The following CD6 variants were observed in gnomAD, a reference collection of about 807,000 sequenced individuals.
The protein encoded by CD6 is T-cell differentiation antigen CD6.
CD6 carries 53 observed loss-of-function variants against 75.3 expected under a neutral mutation model. The observed-to-expected ratio is 0.70, with a 90% CI of 0.56 to 0.88. The LOEUF (loss-of-function observed/expected upper bound fraction) is 0.88. Ranked by LOEUF, CD6 falls within the 40% of genes least tolerant of loss-of-function variation. The pLI is 0.00. For missense variants in CD6, 770 were observed against 897.1 expected, an observed-to-expected ratio of 0.86 and a Z score of 1.81; for synonymous variants, 359 against 381.5, an observed-to-expected ratio of 0.94 and a Z score of 0.69.
chr11:60,989,640 G>T (rs1857980310), intron 1 of CD6, among the ~76,000 whole-genome samples: 1 of 152,218 alleles, frequency 6.6e-6, no homozygotes, highest in Non-Finnish European at 1.5e-5. Context: ...GGGAGGTGAA[G>T]TGAGTTCTAG....
At chr11:61,000,051 C>T (rs1342693410) in intron 1 of CD6, among the ~76,000 whole-genome samples, 1 of 151,652 alleles carries the variant, frequency 6.6e-6, no homozygotes, top group Non-Finnish European at 1.5e-5. Flanking sequence ...GAGTGAGACT[C>T]TATGGCAAAA....
At position 61,010,943 on chromosome 11, in the gene CD6, T is replaced by A. The variant is rs112746426; in HGVS notation, c.1085-127T>A. The A allele has an allele frequency of 4.8e-4, 382 of 788,114 alleles. 3 individuals carry two copies. Among genetic ancestry groups the A allele is most frequent in the African/African-American group, 4.2e-3 (250 of 59,394 alleles). 48.8% of individuals were successfully genotyped at this position (788,114 alleles called of 1,614,324 possible). Reference sequence around the variant, plus strand: ...GGAGGTAAGTTTCCTTAGCCACGTGTCCCTGATGGGAGCACAACCCTAGTT... The same window carrying A: ...GGAGGTAAGTTTCCTTAGCCACGTGACCCTGATGGGAGCACAACCCTAGTT... On this transcript the variant is annotated intron_variant, in intron 5 of 12. Transcript: ENST00000313421.
At chr11:61,002,186 A>G (rs1199865623) in intron 1 of CD6, among the ~76,000 whole-genome samples, 1 of 152,190 alleles carries the variant, frequency 6.6e-6, no homozygotes, top group African/African-American at 2.4e-5. Flanking sequence ...CATGCTGTAA[A>G]TGGACCGTAA....
At chr11:61,014,462 C>T (rs1859306684) in intron 8 of CD6, among the ~76,000 whole-genome samples, 3 of 152,190 alleles carry the variant, frequency 2.0e-5, no homozygotes. Flanking sequence ...GGGCTGGGTA[C>T]AGTGGCTCAC....
rs192420184 is a variant in CD6 at position 60,982,762 on chromosome 11, G to A, written c.49+10848G>A. On this transcript the variant is annotated intron_variant, in intron 1 of 12. Coordinates refer to ENST00000313421, the MANE Select transcript of CD6 (RefSeq NM_006725.5). ...AGCCATCTCCTGTTTGTCAGAGGAG[G>A]AAAGCGAGGTGCGAAGTGGGGAACG... 714 of 456,032 alleles carry A rather than the reference G, an allele frequency of 1.6e-3. 4 individuals are homozygous for A. The Admixed American group carries it at 0.016, about 10-fold the overall frequency. The allele number at this position is 456,032 out of a possible 1,614,324, so 28.2% of individuals were successfully genotyped here.
At chr11:60,990,287 C>T (rs1255715753) in intron 1 of CD6, among the ~76,000 whole-genome samples, 1 of 152,252 alleles carries the variant, frequency 6.6e-6, no homozygotes, top group Non-Finnish European at 1.5e-5. Context: ...TGCAGTGGTG[C>T]AATCTCGGCT....
At chr11:61,017,234 G>A (rs1859442350) in intron 9 of CD6, 3 of 534,322 alleles carry the variant, frequency 5.6e-6, no homozygotes, top group Non-Finnish European at 1.0e-5. Context: ...GGACAGCTGG[G>A]GCTGGGGGCT....
intron 1 of CD6, among the ~76,000 whole-genome samples, chr11:61,005,795 G>A (rs952291986): frequency 1.3e-5 from 2 of 152,154 alleles, no homozygotes; most frequent in African/African-American, 2.4e-5. Context: ...GCCAGGCGTG[G>A]TGGCGCATGC....
chr11:61,006,215 A>G (rs1858849354), intron 1 of CD6, among the ~76,000 whole-genome samples: 1 of 152,232 alleles, frequency 6.6e-6, no homozygotes, highest in African/African-American at 2.4e-5. Context: ...TATTTTCCTA[A>G]GAATCATAGC....
intron 1 of CD6, among the ~76,000 whole-genome samples, chr11:60,989,632 G>A (rs1857979636): frequency 1.3e-5 from 2 of 152,206 alleles, no homozygotes; most frequent in East Asian, 1.9e-4. Flanking sequence ...AATGCTGCGG[G>A]AGGTGAAGTG....
chr11:60,995,150 TC>T (rs1395726037), intron 1 of CD6, among the ~76,000 whole-genome samples: 12 of 151,504 alleles, frequency 7.9e-5, no homozygotes, highest in African/African-American at 9.7e-5. Flanking sequence ...TTTCTTTCTT[TC>T]TTTTCTTTTT....
chr11:60,992,860 AAAAT>A (rs922658813), intron 1 of CD6, among the ~76,000 whole-genome samples: 24 of 151,994 alleles, frequency 1.6e-4, no homozygotes, highest in Admixed American at 3.3e-4. Context: ...AATTAAAATT[AAAAT>A]AAATAAATAA....
In CD6 at chr11:61,013,818, G is replaced by A. The variant is rs551294288; in HGVS notation, c.1292-101G>A. 6.4e-5 allele frequency: 53 copies of A among 827,434 alleles called. No homozygotes were observed. In the East Asian group the frequency reaches 1.3e-3, roughly 21 times the overall value. The allele number at this position is 827,434 out of a possible 1,614,324, so 51.3% of individuals were successfully genotyped here. ...CGCACATGTGCCTGCAAGTGTTGGG[G>A]GAATGAGGAGGGTGGTGTGTCGATG... On this transcript the variant is annotated intron_variant, in intron 7 of 12. Transcript: ENST00000313421.
At chr11:61,013,348 A>G in intron 6 of CD6, 75 bp from the exon 7 acceptor site, 2 of 1,535,714 alleles carry the variant, frequency 1.3e-6, no homozygotes, top group Non-Finnish European at 1.8e-6. Context: ...GGTCAGCTTT[A>G]CAGAGAATGG....
intron 1 of CD6, among the ~76,000 whole-genome samples, chr11:60,983,056 C>T (rs911684357): frequency 6.6e-6 from 1 of 152,090 alleles, no homozygotes. Context: ...TCCAACGGCT[C>T]CTCCAGTCCT....
At chr11:61,018,599 C>T (rs949266544) in intron 12 of CD6, 121 of 541,778 alleles carry the variant, frequency 2.2e-4, no homozygotes, top group Middle Eastern at 4.8e-4. Flanking sequence ...AGGAGGATTG[C>T]TTGAGGCCAG....
At chr11:60,984,207 T>C (rs1857700300) in intron 1 of CD6, among the ~76,000 whole-genome samples, 1 of 152,272 alleles carries the variant, frequency 6.6e-6, no homozygotes, top group Non-Finnish European at 1.5e-5. Context: ...CCACTAGTTG[T>C]AACATTATTG....
chr11:60,994,174 C>G (rs1311366304), intron 1 of CD6, among the ~76,000 whole-genome samples: 1 of 152,124 alleles, frequency 6.6e-6, no homozygotes, highest in Non-Finnish European at 1.5e-5. Context: ...GGCGCGGTGG[C>G]TCATGCCTGT....
intron 1 of CD6, among the ~76,000 whole-genome samples, chr11:60,998,857 A>G (rs1590699023): frequency 6.6e-6 from 1 of 152,106 alleles, no homozygotes; most frequent in Non-Finnish European, 1.5e-5. Flanking sequence ...CAGAAAAAAA[A>G]AAAAAAAAAA....
Sources: gnomAD v4.1 joint callset for allele counts (sites outside exome capture counted in the v4.1 genomes callset) on GRCh38, gnomAD v4.1.1 for gene constraint, MANE v1.5 for transcripts, NCBI Gene and HGNC (gene_info 2026-07-23, HGNC 2026-07-21) for gene names.